The following ORC3 variants were observed in gnomAD, a reference collection of about 807,000 sequenced individuals.
ORC3 encodes origin recognition complex subunit 3, also known as homolog of latheo, Drosophila.
In ORC3, 78 loss-of-function variants were observed where a neutral mutation model predicts 100.7. The observed-to-expected ratio is 0.77, with a 90% CI of 0.65 to 0.94. The LOEUF (loss-of-function observed/expected upper bound fraction) is 0.94, where lower values mean the gene tolerates loss of function less well. Ranked by LOEUF, ORC3 falls within the 40% of genes least tolerant of loss-of-function variation. The pLI, the probability that ORC3 is intolerant of heterozygous loss-of-function variation, is 0.00. For missense variants in ORC3, 789 were observed against 823.9 expected, an observed-to-expected ratio of 0.96 and a Z score of 0.52; for synonymous variants, 295 against 289.3, an observed-to-expected ratio of 1.02 and a Z score of -0.20.
chr6:87,669,407 G>A (rs1770785557), downstream of ORC3, among the ~76,000 whole-genome samples: 1 of 152,212 alleles, frequency 6.6e-6, no homozygotes, highest in Admixed American at 6.5e-5. Context: ...GTAAACACCT[G>A]TACATATGTA....
At chr6:87,614,859 T>C (rs1374034594) in intron 8 of ORC3, among the ~76,000 whole-genome samples, 4 of 152,152 alleles carry the variant, frequency 2.6e-5, no homozygotes, top group Non-Finnish European at 5.9e-5. Context: ...CTCTAGGTAG[T>C]TACAAACTTT....
chr6:87,618,136 C>T (rs1402009706), intron 9 of ORC3, among the ~76,000 whole-genome samples: 2 of 152,212 alleles, frequency 1.3e-5, no homozygotes, highest in Non-Finnish European at 2.9e-5. Flanking sequence ...CTGGGCTGGG[C>T]GCGGTGGCTC....
At chr6:87,590,562 G>A (rs1582968206) in intron 1 of ORC3, among the ~76,000 whole-genome samples, 2 of 152,304 alleles carry the variant, frequency 1.3e-5, no homozygotes, top group East Asian at 3.9e-4. Flanking sequence ...AAGAAAGTCG[G>A]TAAACATAGA....
At chr6:87,614,451 C>T (rs1351389597) in intron 8 of ORC3, among the ~76,000 whole-genome samples, 6 of 152,182 alleles carry the variant, frequency 3.9e-5, no homozygotes, top group Non-Finnish European at 4.4e-5. Context: ...TAACGTTTGG[C>T]TCTTTGTTAC....
intron 9 of ORC3, among the ~76,000 whole-genome samples, chr6:87,616,628 A>T: frequency 6.6e-6 from 1 of 152,200 alleles, no homozygotes; most frequent in Admixed American, 6.5e-5. Flanking sequence ...GATATCAATA[A>T]TGGGAAAAGA....
the ORC3 span, among the ~76,000 whole-genome samples, chr6:87,676,767 G>A: frequency 6.7e-6 from 1 of 148,166 alleles, no homozygotes; most frequent in Non-Finnish European, 1.5e-5. Context: ...GCGACAGAGT[G>A]AGACTCCATC....
chr6:87,603,720 C>T (rs914081300), intron 4 of ORC3, among the ~76,000 whole-genome samples, 192 bp downstream of exon 4: 4 of 152,048 alleles, frequency 2.6e-5, no homozygotes, highest in South Asian at 2.1e-4. Context: ...TCTTTACAGA[C>T]GATCATATGT....
chr6:87,608,728 TA>T (rs1778525124), intron 6 of ORC3, among the ~76,000 whole-genome samples: 1 of 150,722 alleles, frequency 6.6e-6, no homozygotes. Flanking sequence ...CTATTCATTA[TA>T]TTTTTTTCAT....
chr6:87,639,947 A>T (rs1768113661), intron 13 of ORC3, among the ~76,000 whole-genome samples: 1 of 151,904 alleles, frequency 6.6e-6, no homozygotes, highest in African/African-American at 2.4e-5. Flanking sequence ...CCCTGAGCTG[A>T]GATCGCACCA....
At chr6:87,657,118 CACTT>C in intron 15 of ORC3, 136 bp downstream of exon 15, 1 of 631,904 alleles carries the variant, frequency 1.6e-6, no homozygotes, top group Non-Finnish European at 2.8e-6. Context: ...ACTTTTAACT[CACTT>C]CTAAGTTGAA....
At chr6:87,591,915 G>A (rs1221571319) in intron 1 of ORC3, among the ~76,000 whole-genome samples, 1 of 152,112 alleles carries the variant, frequency 6.6e-6, no homozygotes, top group Non-Finnish European at 1.5e-5. Flanking sequence ...ATTTTTAGAA[G>A]AGACAGGGTT....
intron 7 of ORC3, among the ~76,000 whole-genome samples, chr6:87,610,126 C>G (rs1031402153): frequency 3.9e-5 from 6 of 152,118 alleles, no homozygotes; most frequent in Non-Finnish European, 7.4e-5. Flanking sequence ...TTGGCCTCTT[C>G]TATATGTCAA....
intron 13 of ORC3, among the ~76,000 whole-genome samples, chr6:87,639,823 TAC>T (rs1768099198): frequency 3.2e-5 from 1 of 31,696 alleles, no homozygotes; most frequent in African/African-American, 1.3e-4. Context: ...CTGCCAAAAA[TAC>T]AAAAAAAAAA....
At chr6:87,658,059 GT>G in intron 16 of ORC3, 41 bp downstream of exon 16, 2 of 1,089,276 alleles carry the variant, frequency 1.8e-6, no homozygotes, top group South Asian at 1.3e-5. Context: ...AAATCATGCT[GT>G]TTTTCCAAAT....
downstream of ORC3, among the ~76,000 whole-genome samples, chr6:87,670,580 G>A (rs1316267725): frequency 6.6e-6 from 1 of 152,170 alleles, no homozygotes; most frequent in East Asian, 1.9e-4. Flanking sequence ...CCTATGAAAT[G>A]CCAGTTCAAT....
chr6:87,643,833 G>A (rs958974516), intron 13 of ORC3, among the ~76,000 whole-genome samples: 1 of 152,056 alleles, frequency 6.6e-6, no homozygotes, highest in Non-Finnish European at 1.5e-5. Flanking sequence ...ATATGAAATG[G>A]TATATAGTGT....
At chr6:87,624,286 C>G (rs1779735580) in intron 11 of ORC3, among the ~76,000 whole-genome samples, 1 of 152,070 alleles carries the variant, frequency 6.6e-6, no homozygotes, top group Admixed American at 6.6e-5. Context: ...GAGTTCAAGA[C>G]CAGCCTGGCC....
intron 1 of ORC3, 101 bp from the exon 2 acceptor site, chr6:87,594,252 T>A (rs1777259092): frequency 1.4e-6 from 1 of 729,178 alleles, no homozygotes; most frequent in Non-Finnish European, 2.3e-6. Flanking sequence ...TCCCCTAACA[T>A]CTTTTTTTAA....
chr6:87,611,804 G>A (rs1459567349), intron 7 of ORC3, among the ~76,000 whole-genome samples: 1 of 151,408 alleles, frequency 6.6e-6, no homozygotes, highest in Non-Finnish European at 1.5e-5. Flanking sequence ...GAAAAAAGAT[G>A]GTATAATCTT....
Sources: gnomAD v4.1 joint callset for allele counts (sites outside exome capture counted in the v4.1 genomes callset) on GRCh38, gnomAD v4.1.1 for gene constraint, MANE v1.5 for transcripts, NCBI Gene and HGNC (gene_info 2026-07-23, HGNC 2026-07-21) for gene names.